LRRC74A: variants seen among roughly 807,000 people sequenced by gnomAD.
LRRC74A encodes the protein leucine rich repeat containing 74A, also known as leucine-rich repeat-containing protein 74A.
A neutral mutation model predicts 57.9 loss-of-function variants in LRRC74A; 44 were observed. That is an observed-to-expected ratio of 0.76 (90% CI 0.60 to 0.98). The LOEUF is 0.98. Ranked by LOEUF, LRRC74A falls within the 50% of genes least tolerant of loss-of-function variation. The pLI, the probability that LRRC74A is intolerant of heterozygous loss-of-function variation, is 0.00. For missense variants in LRRC74A, 572 were observed against 574.0 expected, an observed-to-expected ratio of 1.00 and a Z score of 0.04; for synonymous variants, 211 against 219.4, an observed-to-expected ratio of 0.96 and a Z score of 0.34.
intron 5 of LRRC74A, among the ~76,000 whole-genome samples, chr14:76,840,403 G>A (rs1187503081): frequency 1.3e-5 from 2 of 152,128 alleles, no homozygotes; most frequent in African/African-American, 4.8e-5. Context: ...ATGGAATGAA[G>A]TAGAAATCAG....
intron 7 of LRRC74A, among the ~76,000 whole-genome samples, chr14:76,849,256 A>G (rs933483261): frequency 6.6e-6 from 1 of 151,994 alleles, no homozygotes; most frequent in African/African-American, 2.4e-5. Flanking sequence ...CCCGGGTGCA[A>G]GCAATTCTCG....
rs1276953569 is a variant in LRRC74A at position 76,853,262 on chromosome 14, G to A, written c.809G>A (p.Gly270Glu). 6.2e-7 allele frequency: 1 copy of A among 1,613,622 alleles called. No homozygotes were observed. The highest frequency in any genetic ancestry group is 8.5e-7 in the Non-Finnish European group (1 of 1,179,576). The change falls in exon 9 of 14, where the codon GGG becomes GAG. Residue 270 changes from glycine (G) to glutamate (E), a missense_variant. Transcript: ENST00000689127. Reference protein sequence around the residue: ...TKLDLSMNGFGNEVALALGEV... With the variant: ...TKLDLSMNGFENEVALALGEV... ...CTGGATCTCTCCATGAATGGCTTTG[G>A]GAATGAGGTGGCTCTGGCCCTAGGG...
chr14:76,837,123 C>T (rs1185469300), intron 4 of LRRC74A, among the ~76,000 whole-genome samples: 1 of 152,098 alleles, frequency 6.6e-6, no homozygotes, highest in Non-Finnish European at 1.5e-5. Flanking sequence ...GCCTGGGTGA[C>T]AGAGTGAGAC....
intron 13 of LRRC74A, 28 bp from the exon 14 acceptor site, chr14:76,870,097 A>G: frequency 6.2e-7 from 1 of 1,607,600 alleles, no homozygotes; most frequent in Non-Finnish European, 8.5e-7. Context: ...ACGGGTGCTC[A>G]GCATCTTTCC....
intron 5 of LRRC74A, among the ~76,000 whole-genome samples, chr14:76,843,527 G>T (rs1157976312): frequency 6.6e-6 from 1 of 151,968 alleles, no homozygotes; most frequent in African/African-American, 2.4e-5. Flanking sequence ...ACTAGGCTGG[G>T]GGTTGATGCT....
At chr14:76,858,981 A>T (rs954050764) in intron 10 of LRRC74A, among the ~76,000 whole-genome samples, 15 of 152,176 alleles carry the variant, frequency 9.9e-5, no homozygotes, top group African/African-American at 3.6e-4. Context: ...ATTTTGAGAC[A>T]TTGTCAAACA....
At chr14:76,830,068 T>C (rs1156447106) in intron 2 of LRRC74A, among the ~76,000 whole-genome samples, 2 of 152,146 alleles carry the variant, frequency 1.3e-5, no homozygotes, top group Non-Finnish European at 2.9e-5. Flanking sequence ...AGGACAGCCC[T>C]CAGAACAGAA....
At position 76,836,263 on chromosome 14, in the gene LRRC74A, C is replaced by T. The variant is rs755080839; in HGVS notation, c.396C>T (p.Gly132=). Residue 132 remains glycine (G), a synonymous_variant, in exon 4 of 14, where the codon GGC becomes GGT. Transcript: ENST00000689127. ...ELEDNCIMEE[G]VLSLVEMLQE... ...AAGACAATTGCATCATGGAGGAGGGCGTCTTGAGCCTGGTGGAGATGCTAC... is the reference window on the plus strand; with the variant it reads ...AAGACAATTGCATCATGGAGGAGGGTGTCTTGAGCCTGGTGGAGATGCTAC... 5.6e-6 allele frequency: 9 copies of T among 1,613,734 alleles called. No homozygotes were observed. The highest frequency in any genetic ancestry group is 4.5e-5 in the East Asian group (2 of 44,890).
intron 11 of LRRC74A, among the ~76,000 whole-genome samples, chr14:76,863,790 G>C (rs1446748557): frequency 2.0e-5 from 3 of 152,230 alleles, no homozygotes; most frequent in African/African-American, 7.2e-5. Context: ...ACAGACTCTT[G>C]TTAGATTCCA....
At chr14:76,838,298 T>G (rs1462669561) in intron 5 of LRRC74A, among the ~76,000 whole-genome samples, 1 of 152,188 alleles carries the variant, frequency 6.6e-6, no homozygotes. Context: ...TTAATATGAT[T>G]AAGAACATAA....
chr14:76,852,336 A>T, intron 7 of LRRC74A, 29 bp from the exon 8 acceptor site: 1 of 1,550,472 alleles, frequency 6.4e-7, no homozygotes, highest in Non-Finnish European at 8.9e-7. Context: ...GCTGTGGGAG[A>T]TGCTAAGCCG....
At chr14:76,847,746 G>A (rs913267775) in intron 7 of LRRC74A, among the ~76,000 whole-genome samples, 5 of 152,034 alleles carry the variant, frequency 3.3e-5, no homozygotes, top group Admixed American at 6.6e-5. Context: ...CCCAAATGGA[G>A]GAGGTTGAGT....
intron 7 of LRRC74A, among the ~76,000 whole-genome samples, chr14:76,849,346 G>C (rs959267319): frequency 2.6e-5 from 4 of 151,584 alleles, no homozygotes; most frequent in African/African-American, 7.3e-5. Context: ...TGGTAGAGAT[G>C]GGTTTTCACC....
chr14:76,864,841 G>A (rs901451425), intron 11 of LRRC74A, among the ~76,000 whole-genome samples: 5 of 152,102 alleles, frequency 3.3e-5, no homozygotes, highest in Non-Finnish European at 5.9e-5. Context: ...GCGACAGAGC[G>A]AGACTCTGTT....
intron 12 of LRRC74A, 97 bp from the exon 13 acceptor site, chr14:76,867,259 G>T (rs1481798769): frequency 4.9e-6 from 2 of 409,030 alleles, no homozygotes; most frequent in African/African-American, 3.2e-5. Context: ...GGGGGGGTGG[G>T]GTGTGTGTGT....
At chr14:76,865,093 A>T (rs945533044) in intron 11 of LRRC74A, among the ~76,000 whole-genome samples, 5 of 152,268 alleles carry the variant, frequency 3.3e-5, no homozygotes, top group African/African-American at 1.2e-4. Flanking sequence ...GGTGATTTTT[A>T]AAATTTTCTC....
At chr14:76,862,558 T>C (rs1595397057) in intron 11 of LRRC74A, among the ~76,000 whole-genome samples, 3 of 148,318 alleles carry the variant, frequency 2.0e-5, no homozygotes, top group African/African-American at 7.4e-5. Flanking sequence ...AAGTGTCATG[T>C]GATAAATAAT....
intron 4 of LRRC74A, among the ~76,000 whole-genome samples, chr14:76,837,191 T>C (rs1896416240): frequency 2.6e-5 from 4 of 152,168 alleles, no homozygotes. Flanking sequence ...AAAGTGAACT[T>C]TCTTAAAGAA....
intron 13 of LRRC74A, among the ~76,000 whole-genome samples, chr14:76,868,712 C>T (rs903810861): frequency 6.6e-6 from 1 of 152,190 alleles, no homozygotes; most frequent in Non-Finnish European, 1.5e-5. Flanking sequence ...GCCTCCCATC[C>T]GGCCCTGCCC....
Sources: allele counts gnomAD v4.1 joint callset (sites outside exome capture counted in the v4.1 genomes callset), GRCh38; gene constraint gnomAD v4.1.1; transcripts MANE v1.5; gene names NCBI Gene and HGNC (gene_info 2026-07-23, HGNC 2026-07-21).